DAB1: variants seen among roughly 807,000 people sequenced by gnomAD.
DAB1 encodes the protein disabled homolog 1.
In DAB1, 15 loss-of-function variants were observed where a neutral mutation model predicts 64.6. That is an observed-to-expected ratio of 0.23 (90% CI 0.16 to 0.36). The LOEUF is 0.36. Among genes scored for constraint, DAB1 ranks in the 10% least tolerant of loss-of-function variants. The pLI is 1.00. For synonymous variants in DAB1, 235 were observed against 251.9 expected (o/e 0.93, Z 0.64); for missense variants, 596 against 706.7 (o/e 0.84, Z 1.78).
At chr1:57,277,111 G>A (rs2764665) in intron 2 of DAB1, among the ~76,000 whole-genome samples, 64,430 of 152,014 alleles carry the variant, frequency 0.42, 13,864 homozygotes, top group Admixed American at 0.56. Context: ...GCTAAAGTCC[G>A]CGATAGGCAC....
chr1:57,744,823 C>G (rs1416493569), intron 6 of DAB1, among the ~76,000 whole-genome samples: 1 of 152,048 alleles, frequency 6.6e-6, no homozygotes, highest in Non-Finnish European at 1.5e-5. Context: ...TGGTTCCTGT[C>G]CAGTAGGAAC....
intron 5 of DAB1, among the ~76,000 whole-genome samples, chr1:58,137,240 T>C (rs911895073): frequency 1.3e-5 from 2 of 152,240 alleles, no homozygotes; most frequent in Non-Finnish European, 2.9e-5. Flanking sequence ...TCTAAGTCCG[T>C]TGTTTTACAC....
chr1:57,053,415 T>C (rs960349071), intron 9 of DAB1, among the ~76,000 whole-genome samples: 1 of 151,776 alleles, frequency 6.6e-6, no homozygotes, highest in Non-Finnish European at 1.5e-5. Flanking sequence ...GCCCGGCTAA[T>C]TGTTTTATTT....
At chr1:57,324,910 G>A (rs1167355214) in intron 1 of DAB1, among the ~76,000 whole-genome samples, 2 of 152,214 alleles carry the variant, frequency 1.3e-5, no homozygotes, top group East Asian at 1.9e-4. Context: ...GTGTAGCTCC[G>A]TTAAGGTTTC....
intron 6 of DAB1, among the ~76,000 whole-genome samples, chr1:57,682,135 G>A (rs553078870): frequency 2.6e-5 from 4 of 152,042 alleles, no homozygotes; most frequent in South Asian, 2.1e-4. Flanking sequence ...AAACATGGAA[G>A]GGATAGAAAT....
intron 7 of DAB1, among the ~76,000 whole-genome samples, chr1:57,625,912 G>A (rs899475299): frequency 2.0e-5 from 3 of 152,008 alleles, no homozygotes; most frequent in Non-Finnish European, 2.9e-5. Context: ...AAGCTGGGTC[G>A]AACCTTTATT....
intron 1 of DAB1, chr1:58,534,296 C>G (rs748081269): frequency 6.9e-6 from 6 of 865,078 alleles, no homozygotes; most frequent in Non-Finnish European, 1.0e-5. Flanking sequence ...GGGCATCTTT[C>G]TCAGTTAGCA....
chr1:58,432,147 A>G (rs1318778066), intron 3 of DAB1, among the ~76,000 whole-genome samples: 2 of 152,078 alleles, frequency 1.3e-5, no homozygotes, highest in Admixed American at 6.5e-5. Context: ...TCTGCCTGGA[A>G]TGCTCTCCAT....
At chr1:57,102,357 G>T (rs904279193) in intron 4 of DAB1, among the ~76,000 whole-genome samples, 2 of 152,158 alleles carry the variant, frequency 1.3e-5, no homozygotes, top group Non-Finnish European at 2.9e-5. Context: ...TCTTCTGAAG[G>T]CTTCCAGCAA....
chr1:58,175,156 C>G (rs552825897), intron 4 of DAB1, among the ~76,000 whole-genome samples: 2 of 152,218 alleles, frequency 1.3e-5, no homozygotes, highest in African/African-American at 4.8e-5. Context: ...CCTTTATGAG[C>G]TGTAACACTC....
intron 4 of DAB1, among the ~76,000 whole-genome samples, chr1:58,173,321 G>C (rs890873930): frequency 1.3e-5 from 2 of 152,160 alleles, no homozygotes; most frequent in Non-Finnish European, 2.9e-5. Context: ...CATAGTAACT[G>C]CTGAGTTACC....
In DAB1 at chr1:57,902,147, A is replaced by T. The variant is rs532473984; in HGVS notation, n.388-17985T>A. ...TCTCCAGCCTGATCGACGGAGTGAG[A>T]TCTTGTCTCAAAAAAAAAAAAAAAA... On this transcript the variant is annotated intron_variant and non_coding_transcript_variant, in intron 5 of 20. Coordinates refer to the DAB1 transcript ENST00000485760. Among the ~76,000 whole-genome samples, 3 of 131,118 alleles carry T rather than the reference A, an allele frequency of 2.3e-5. No homozygotes were observed. In the South Asian group the frequency reaches 7.5e-4, roughly 33 times the overall value. The allele number at this position is 131,118 out of a possible 152,430, so 86.0% of individuals were successfully genotyped here. A position where few individuals can be genotyped will look rare whatever the true frequency, so the allele number is the denominator to read the frequency against.
At chr1:58,310,444 A>G (rs565243285) in intron 4 of DAB1, among the ~76,000 whole-genome samples, 3 of 151,214 alleles carry the variant, frequency 2.0e-5, no homozygotes, top group East Asian at 2.0e-4. Context: ...AGATTTTTCA[A>G]TAAGCTGAGT....
At chr1:57,540,307 C>T (rs1479071784) in intron 7 of DAB1, among the ~76,000 whole-genome samples, 2 of 152,000 alleles carry the variant, frequency 1.3e-5, no homozygotes, top group Non-Finnish European at 2.9e-5. Flanking sequence ...CAAATGCCGG[C>T]AAGGATGTGG....
Position 58,101,318 on chromosome 1 carries a change from A to AAAAAT in DAB1, n.387+49188_387+49192dup, listed in dbSNP as rs879789456. Among the ~76,000 whole-genome samples the AAAAAT allele has an allele frequency of 4.4e-3, 664 of 152,274 alleles. 2 individuals carry two copies. The highest frequency in any genetic ancestry group is 0.016 in the East Asian group (84 of 5,180). On this transcript the variant is annotated intron_variant and non_coding_transcript_variant, in intron 5 of 20. Coordinates refer to the DAB1 transcript ENST00000485760. The stretch of plus-strand genomic sequence containing the variant: ...GGCGACAGAGCGAGACTCCGTCTCA[A>AAAAAT]AAAATAAAATAAAATAAAATAAAAT...
intron 4 of DAB1, among the ~76,000 whole-genome samples, chr1:58,221,089 T>C (rs145710290): frequency 1.3e-5 from 2 of 148,788 alleles, no homozygotes; most frequent in East Asian, 2.0e-4. Flanking sequence ...GAAATACAAA[T>C]ACACACTCAC....
At chr1:57,152,407 T>C (rs1005990453) in intron 2 of DAB1, among the ~76,000 whole-genome samples, 4 of 152,234 alleles carry the variant, frequency 2.6e-5, no homozygotes, top group Non-Finnish European at 4.4e-5. Context: ...GCTCTTCAAG[T>C]AATCCGAGAA....
At chr1:57,008,471 T>C (rs1646163227) in intron 14 of DAB1, among the ~76,000 whole-genome samples, 1 of 152,212 alleles carries the variant, frequency 6.6e-6, no homozygotes, top group South Asian at 2.1e-4. Flanking sequence ...GTAGCTAGCA[T>C]CTATTAGGTG....
intron 6 of DAB1, among the ~76,000 whole-genome samples, chr1:57,671,166 G>A (rs779399682): frequency 1.7e-4 from 26 of 152,214 alleles, no homozygotes; most frequent in Non-Finnish European, 1.8e-4. Context: ...ACAGAGGGCT[G>A]ACTGTGTTTA....
Sources: allele counts gnomAD v4.1 joint callset (sites outside exome capture counted in the v4.1 genomes callset), GRCh38; gene constraint gnomAD v4.1.1; transcripts MANE v1.5; gene names NCBI Gene and HGNC (gene_info 2026-07-23, HGNC 2026-07-21).